The following ZC3H18 variants were observed in gnomAD, a reference collection of about 807,000 sequenced individuals.
The protein encoded by ZC3H18 is zinc finger CCCH-type containing 18, also known as zinc finger CCCH domain-containing protein 18.
ZC3H18 carries 8 observed loss-of-function variants against 106.1 expected under a neutral mutation model. The observed-to-expected ratio is 0.08, with a 90% CI of 0.04 to 0.14. The LOEUF is 0.14. Among genes scored for constraint, ZC3H18 ranks in the 10% least tolerant of loss-of-function variants. ZC3H18 has a pLI of 1.00. For synonymous variants in ZC3H18, 635 were observed against 522.1 expected (o/e 1.22, Z -2.95); for missense variants, 1,318 against 1,278.4 (o/e 1.03, Z -0.47).
chr16:88,571,512 T>G, intron 1 of ZC3H18: 1 of 582,072 alleles, frequency 1.7e-6, no homozygotes, highest in Non-Finnish European at 2.2e-6. Context: ...GGGAGGAGAG[T>G]CTTTTCCTGA....
rs776556506 is a variant in ZC3H18, at chr16:88,611,306, C to T, written c.1245C>T (p.Arg415=). The change falls in exon 8 of 18, where the codon CGC becomes CGT. Residue 415 remains arginine, a synonymous_variant. Transcript: ENST00000301011. Reference sequence around the variant, plus strand: ...AGCGAGAGAGAGAGAACAGACAGCGCGAGCGCGAGCGGGAGCGGGAGCGGG... The same window carrying T: ...AGCGAGAGAGAGAGAACAGACAGCGTGAGCGCGAGCGGGAGCGGGAGCGGG... ...ERERERENRQ[R]ERERERERDR... 5.3e-6 allele frequency: 4 copies of T among 751,824 alleles called. No homozygotes were observed. In the Admixed American group the frequency reaches 5.6e-5, roughly 11 times the overall value. The allele number at this position is 751,824 out of a possible 1,614,324, so 46.6% of individuals were successfully genotyped here.
At chr16:88,621,398 A>G (rs55775803) in intron 8 of ZC3H18, among the ~76,000 whole-genome samples, 36,279 of 151,798 alleles carry the variant, frequency 0.24, 4,559 homozygotes, top group East Asian at 0.37. Flanking sequence ...CTAATTTTAT[A>G]TATTTTTAGT....
chr16:88,611,613 C>T (rs1057367539), intron 8 of ZC3H18, 77 bp downstream of exon 8: 39 of 1,494,124 alleles, frequency 2.6e-5, no homozygotes, highest in East Asian at 7.4e-5. Context: ...CCCTGGCCTG[C>T]GCTTCCCCTC....
In ZC3H18 at chr16:88,577,533, A is replaced by T. The variant is rs1270331608; in HGVS notation, c.410A>T (p.Glu137Val). Residue 137 changes from glutamate (E) to valine (V), a missense_variant, in exon 2 of 18, where the codon GAG becomes GTG. By Grantham distance (121) the Glu-to-Val change is moderately radical. This residue lies in a region of ZC3H18 where 346 missense variants were observed against 269.0 expected (regional missense o/e 1.29). Transcript: ENST00000301011. ...ELDYDEEVPEEPAPAVQEDEA... is the reference protein window; with the variant it reads ...ELDYDEEVPEVPAPAVQEDEA... ...GACTACGATGAGGAGGTTCCTGAGG[A>T]GCCAGCTCCCGCCGTCCAGGAGGAC... 6.2e-7 allele frequency: 1 copy of T among 1,613,188 alleles called. No individual in the cohort carries two copies.
chr16:88,583,256 G>C, intron 2 of ZC3H18, among the ~76,000 whole-genome samples: 1 of 152,226 alleles, frequency 6.6e-6, no homozygotes, highest in Non-Finnish European at 1.5e-5. Flanking sequence ...AAAAGAAAAG[G>C]CTGCACAAAG....
chr16:88,610,102 C>T (rs1207275751), intron 7 of ZC3H18, among the ~76,000 whole-genome samples: 4 of 152,116 alleles, frequency 2.6e-5, no homozygotes, highest in Admixed American at 1.3e-4. Context: ...TCATGGAAGA[C>T]TGGTCTATAC....
intron 8 of ZC3H18, among the ~76,000 whole-genome samples, chr16:88,614,251 G>GA (rs1390144091): frequency 6.6e-6 from 1 of 152,258 alleles, no homozygotes; most frequent in Non-Finnish European, 1.5e-5. Context: ...ACTTGGAGGG[G>GA]CCACAGTTCT....
chr16:88,576,723 TTA>T (rs1914774824), intron 1 of ZC3H18, among the ~76,000 whole-genome samples: 2 of 152,182 alleles, frequency 1.3e-5, no homozygotes, highest in South Asian at 4.1e-4. Context: ...ATGATACAGT[TTA>T]TCTTTAATTT....
chr16:88,584,969 A>T (rs768873683), intron 2 of ZC3H18, among the ~76,000 whole-genome samples: 31 of 152,234 alleles, frequency 2.0e-4, no homozygotes, highest in Admixed American at 1.1e-3. Context: ...TTCTCATGGG[A>T]ACAAAGAATG....
At chr16:88,574,831 CTT>C (rs766351268) in intron 1 of ZC3H18, among the ~76,000 whole-genome samples, 13 of 137,002 alleles carry the variant, frequency 9.5e-5, no homozygotes, top group Non-Finnish European at 9.6e-5. Flanking sequence ...TCTAATGTAT[CTT>C]TTTTTTTTTT....
At chr16:88,591,149 T>C (rs1915728036) in intron 3 of ZC3H18, among the ~76,000 whole-genome samples, 1 of 152,016 alleles carries the variant, frequency 6.6e-6, no homozygotes, top group South Asian at 2.1e-4. Context: ...TTTTGTAGTT[T>C]TTGGTAGAGA....
intron 8 of ZC3H18, 80 bp downstream of exon 8, chr16:88,611,616 T>G (rs1485324861): frequency 6.7e-7 from 1 of 1,490,636 alleles, no homozygotes; most frequent in South Asian, 1.3e-5. Context: ...TGGCCTGCGC[T>G]TCCCCTCTGT....
At chr16:88,588,946 T>C (rs1031158451) in intron 3 of ZC3H18, among the ~76,000 whole-genome samples, 10 of 152,108 alleles carry the variant, frequency 6.6e-5, no homozygotes, top group African/African-American at 1.9e-4. Flanking sequence ...TCAGGTGTTA[T>C]CAATAACTCA....
chr16:88,618,186 CTT>C (rs538070999), intron 8 of ZC3H18, among the ~76,000 whole-genome samples: 6 of 143,742 alleles, frequency 4.2e-5, no homozygotes, highest in Non-Finnish European at 6.1e-5. Flanking sequence ...TTGGACTCCA[CTT>C]TTTTTTTTTT....
At position 88,622,402 on chromosome 16, in the gene ZC3H18, G is replaced by A. The variant is rs766532424; in HGVS notation, c.1667+14G>A. The A allele has an allele frequency of 1.1e-5, 17 of 1,591,924 alleles. No individual in the cohort carries two copies. The highest frequency in any genetic ancestry group is 6.7e-5 in the African/African-American group (5 of 74,372). On this transcript the variant is annotated intron_variant, in intron 9 of 17. Transcript: ENST00000301011. ...TAATTCCTCCAGGTAAGGAGGGCTC[G>A]TGGGACGGCTGGGGTGTCAGCACCT...
chr16:88,630,086 C>T, intron 16 of ZC3H18: 1 of 173,522 alleles, frequency 5.8e-6, no homozygotes, highest in South Asian at 1.3e-4. Flanking sequence ...CCCTCGGTTG[C>T]CGCGCCTCCC....
chr16:88,570,661 C>G (rs1159400634), intron 1 of ZC3H18, 95 bp downstream of exon 1: 1 of 150,736 alleles, frequency 6.6e-6, no homozygotes, highest in Non-Finnish European at 1.5e-5. Flanking sequence ...GGAGGGAGGC[C>G]CGGGAGCCCG....
intron 6 of ZC3H18, among the ~76,000 whole-genome samples, chr16:88,608,080 T>A (rs1905094703): frequency 6.6e-6 from 1 of 152,236 alleles, no homozygotes; most frequent in Non-Finnish European, 1.5e-5. Context: ...CTTCATTGTT[T>A]GTTTGAATTG....
chr16:88,631,406 A>T lies in ZC3H18; in HGVS notation c.*107A>T. ...TTGGCTGTGATTCTTTTTAAAAAGT[A>T]AAAAAGAAAAAAAAGTTTCTCAGCT... is the stretch of plus-strand genomic sequence containing the variant. On this transcript the variant is annotated 3_prime_UTR_variant, in exon 18 of 18. Transcript: ENST00000301011. 5 of 1,418,600 alleles carry T rather than the reference A, an allele frequency of 3.5e-6. No individual in the cohort carries two copies. Among genetic ancestry groups the T allele is most frequent in the South Asian group, 2.6e-5 (2 of 76,158 alleles). The allele number at this position is 1,418,600 out of a possible 1,614,324, so 87.9% of individuals were successfully genotyped here.
Sources: allele counts gnomAD v4.1 joint callset (sites outside exome capture counted in the v4.1 genomes callset), GRCh38; gene constraint gnomAD v4.1.1; regional missense constraint gnomAD v4.1.1; transcripts MANE v1.5; gene names NCBI Gene and HGNC (gene_info 2026-07-23, HGNC 2026-07-21).